Variants in MCPH1 observed in about 807,000 individuals in gnomAD.
MCPH1 encodes microcephalin 1.
In MCPH1, 104 loss-of-function variants were observed where a neutral mutation model predicts 84.5. The ratio of observed to expected loss-of-function variants is 1.23; its 90% confidence interval spans 1.05 to 1.45. The LOEUF is 1.45. MCPH1 is among the 40% of genes most tolerant of loss of function. The pLI is 0.00. For synonymous variants in MCPH1, 514 were observed against 366.8 expected (o/e 1.40, Z -4.58); for missense variants, 1,498 against 1,005.7 (o/e 1.49, Z -6.62).
chr8:6,521,235 G>C, intron 12 of MCPH1: 1 of 1,613,906 alleles, frequency 6.2e-7, no homozygotes, highest in Non-Finnish European at 8.5e-7. Flanking sequence ...AGATCATGTT[G>C]CTGCTTCTGA....
At chr8:6,570,605 A>T (rs962180279) in intron 12 of MCPH1, among the ~76,000 whole-genome samples, 1 of 152,172 alleles carries the variant, frequency 6.6e-6, no homozygotes. Flanking sequence ...CTTCTGTTTG[A>T]CACAGAACCA....
chr8:6,581,594 A>T (rs78311224), intron 12 of MCPH1, among the ~76,000 whole-genome samples: 3,247 of 152,334 alleles, frequency 0.021, 113 homozygotes, highest in African/African-American at 0.075. Flanking sequence ...TACAAAACAC[A>T]GTTAGGAAGT....
intron 11 of MCPH1, among the ~76,000 whole-genome samples, chr8:6,498,248 C>A (rs982435839): frequency 6.6e-6 from 1 of 152,114 alleles, no homozygotes; most frequent in Non-Finnish European, 1.5e-5. Context: ...GTTGGGCCAA[C>A]CTTTTGTTTT....
intron 12 of MCPH1, chr8:6,502,128 T>C (rs1381220332): frequency 6.6e-6 from 1 of 152,160 alleles, no homozygotes; most frequent in Non-Finnish European, 1.5e-5. Flanking sequence ...AACAGACCTC[T>C]GTTTTAGAAT....
At chr8:6,621,125 G>A (rs1336109384) in intron 12 of MCPH1, 2 of 382,206 alleles carry the variant, frequency 5.2e-6, no homozygotes, top group East Asian at 1.3e-4. Flanking sequence ...ACTTTAGTGA[G>A]AGTTCAGCCT....
chr8:6,546,120 G>A (rs1822536973), intron 12 of MCPH1, among the ~76,000 whole-genome samples: 1 of 152,144 alleles, frequency 6.6e-6, no homozygotes, highest in Non-Finnish European at 1.5e-5. Flanking sequence ...TGGTAAAACA[G>A]GTATATAAAT....
chr8:6,641,923 G>A (rs555908752), intron 13 of MCPH1, among the ~76,000 whole-genome samples: 5 of 152,158 alleles, frequency 3.3e-5, no homozygotes, highest in African/African-American at 1.2e-4. Context: ...AAATTCATCT[G>A]AGGGTCCCTC....
chr8:6,603,915 A>C (rs757057517), intron 12 of MCPH1, among the ~76,000 whole-genome samples: 9 of 152,230 alleles, frequency 5.9e-5, no homozygotes, highest in Admixed American at 2.6e-4. Context: ...TTTGCAAGTC[A>C]GTTTCAAAAA....
intron 13 of MCPH1, among the ~76,000 whole-genome samples, chr8:6,628,419 G>A (rs1329486703): frequency 7.4e-5 from 10 of 134,754 alleles, no homozygotes; most frequent in East Asian, 2.2e-4. Flanking sequence ...GCAGTGAGCC[G>A]AGATCACGCC....
intron 10 of MCPH1, among the ~76,000 whole-genome samples, chr8:6,479,625 C>T (rs1265427682): frequency 6.6e-6 from 1 of 151,884 alleles, no homozygotes; most frequent in East Asian, 1.9e-4. Flanking sequence ...TTAGTAGAGA[C>T]AGCGTTTCAC....
At position 6,444,940 on chromosome 8, in the gene MCPH1, C is replaced by G. The variant is rs774338796; in HGVS notation, c.1218C>G (p.Ser406Arg). The G allele has an allele frequency of 6.2e-7, 1 of 1,614,160 alleles. No homozygotes were observed. Among genetic ancestry groups the G allele is most frequent in the Non-Finnish European group, 8.5e-7 (1 of 1,180,026 alleles). Residue 406 changes from serine to arginine, a missense_variant, in exon 8 of 14, where the codon AGC becomes AGG. Ser to Arg is a moderately radical substitution (Grantham distance 110). Coordinates refer to ENST00000344683, the MANE Select transcript of MCPH1 (RefSeq NM_024596.5). ...CGGGACCTGCCCTGGAGGCTCTTAG[C>G]TGTGGGGAGTCTTCATATGATGACT... ...HVAGPALEAL[S>R]CGESSYDDYF... is the part of the protein sequence containing the mutation.
chr8:6,565,538 G>C (rs1392919880), intron 12 of MCPH1, among the ~76,000 whole-genome samples: 5 of 152,144 alleles, frequency 3.3e-5, no homozygotes, highest in Admixed American at 3.3e-4. Context: ...GGGATCACAG[G>C]TGTGAGCCAC....
At chr8:6,441,326 C>G (rs1803480416) in intron 6 of MCPH1, among the ~76,000 whole-genome samples, 2 of 152,208 alleles carry the variant, frequency 1.3e-5, no homozygotes, top group African/African-American at 4.8e-5. Context: ...TGCTACTTTA[C>G]TGCGTCCAGT....
intron 12 of MCPH1, among the ~76,000 whole-genome samples, chr8:6,504,391 T>G (rs1218328537): frequency 6.6e-5 from 10 of 151,612 alleles, no homozygotes; most frequent in African/African-American, 2.4e-4. Flanking sequence ...TAAAATCTCC[T>G]GATGCCCACT....
intron 12 of MCPH1, among the ~76,000 whole-genome samples, chr8:6,587,057 C>T (rs916196416): frequency 6.6e-6 from 1 of 152,054 alleles, no homozygotes; most frequent in South Asian, 2.1e-4. Flanking sequence ...TCTGCTTCCA[C>T]TTCTCGGTGT....
At chr8:6,523,574 T>C (rs1413695270) in intron 12 of MCPH1, among the ~76,000 whole-genome samples, 1 of 149,348 alleles carries the variant, frequency 6.7e-6, no homozygotes, top group Admixed American at 6.6e-5. Context: ...TCAAGGTATT[T>C]GGCAGGGTTT....
rs544779284 is a variant in MCPH1 at position 6,622,084 on chromosome 8, C to T, written c.2452+393C>T. Reference sequence around the variant, plus strand: ...CCCTGGCAGCGCCCGGCACTGGGGCCCAAGCCCCCGTCCCTGTCATCTCCT... The same window carrying T: ...CCCTGGCAGCGCCCGGCACTGGGGCTCAAGCCCCCGTCCCTGTCATCTCCT... On this transcript the variant is annotated intron_variant, in intron 13 of 13. Coordinates refer to ENST00000344683, the MANE Select transcript of MCPH1 (RefSeq NM_024596.5). 1.4e-4 allele frequency: 48 copies of T among 349,726 alleles called. 2 individuals carry two copies. Among genetic ancestry groups the T allele is most frequent in the South Asian group, 1.1e-3 (47 of 42,358 alleles). The allele number at this position is 349,726 out of a possible 1,614,324, so 21.7% of individuals were successfully genotyped here. A position where few individuals can be genotyped will look rare whatever the true frequency, so the allele number is the denominator to read the frequency against.
chr8:6,451,753 C>G (rs1805115258), intron 8 of MCPH1, among the ~76,000 whole-genome samples: 2 of 152,008 alleles, frequency 1.3e-5, no homozygotes, highest in South Asian at 4.1e-4. Flanking sequence ...ATTTTGCATA[C>G]TACATTGTAA....
chr8:6,611,825 A>G (rs1241543847), intron 12 of MCPH1, among the ~76,000 whole-genome samples: 3 of 151,922 alleles, frequency 2.0e-5, no homozygotes, highest in Non-Finnish European at 4.4e-5. Context: ...TCACCGTGTT[A>G]GCCAGGATGG....
Sources: allele counts gnomAD v4.1 joint callset (sites outside exome capture counted in the v4.1 genomes callset), GRCh38; gene constraint gnomAD v4.1.1; transcripts MANE v1.5; gene names NCBI Gene and HGNC (gene_info 2026-07-23, HGNC 2026-07-21).